Variants in NUP188 observed in about 807,000 individuals in gnomAD.
The protein encoded by NUP188 is nucleoporin 188.
In NUP188, 97 loss-of-function variants were observed where a neutral mutation model predicts 223.0. The observed-to-expected ratio is 0.43, with a 90% CI of 0.37 to 0.51. NUP188 has a LOEUF of 0.51. Ranked by LOEUF, NUP188 falls within the 20% of genes least tolerant of loss-of-function variation. NUP188 has a pLI of 0.00. For missense variants in NUP188, 1,947 were observed against 2,175.6 expected (o/e 0.89, Z 2.09); for synonymous variants, 869 against 828.0 (o/e 1.05, Z -0.85).
intron 13 of NUP188, 150 bp from the exon 14 acceptor site, chr9:128,980,454 GGA>G: frequency 1.4e-6 from 1 of 736,382 alleles, no homozygotes; most frequent in Non-Finnish European, 2.1e-6. Context: ...CTTTTTCAGT[GGA>G]AATATGAAAG....
At chr9:128,981,091 T>A (rs184428495) in intron 14 of NUP188, among the ~76,000 whole-genome samples, 173 bp from the exon 15 acceptor site, 1 of 151,984 alleles carries the variant, frequency 6.6e-6, no homozygotes, top group East Asian at 1.9e-4. Flanking sequence ...GGGACTTGAG[T>A]TGAGTGTTAA....
At chr9:129,003,258 TG>T (rs1218076323) in intron 37 of NUP188, 58 bp from the exon 38 acceptor site, 5 of 1,561,498 alleles carry the variant, frequency 3.2e-6, no homozygotes, top group Non-Finnish European at 4.3e-6. Context: ...AGGGTAGGTG[TG>T]GGTATGTCAG....
At chr9:129,003,078 G>A (rs896187202) in intron 37 of NUP188, 103 bp downstream of exon 37, 5 of 1,344,054 alleles carry the variant, frequency 3.7e-6, no homozygotes, top group Admixed American at 4.7e-5. Flanking sequence ...CAGTAGCGGA[G>A]GGTTGTCGAT....
Position 128,982,661 on chromosome 9 carries a change from C to G in NUP188, c.1629C>G (p.Thr543=). The G allele has an allele frequency of 6.2e-7, 1 of 1,614,116 alleles. No homozygotes were observed. ...EYSYSSWTLF[T]CEIEMLLHVV... is the part of the protein sequence containing the mutation. ...CCTATAGCAGCTGGACCCTCTTTAC[C>G]TGCGAGATTGAAATGTTGCTTCATG... Residue 543 remains threonine, a synonymous_variant, in exon 16 of 44, where the codon ACC becomes ACG. Coordinates refer to ENST00000372577, the MANE Select transcript of NUP188 (RefSeq NM_015354.3).
At chr9:129,002,547 G>A (rs868413436) in intron 36 of NUP188, among the ~76,000 whole-genome samples, 1 of 152,244 alleles carries the variant, frequency 6.6e-6, no homozygotes, top group African/African-American at 2.4e-5. Flanking sequence ...GTATGTAGGG[G>A]CCAGAGCAGG....
Position 128,952,862 on chromosome 9 carries a change from G to A in NUP188, c.161+16G>A. On this transcript the variant is annotated intron_variant, in intron 3 of 43. Coordinates refer to ENST00000372577, the MANE Select transcript of NUP188 (RefSeq NM_015354.3). ...AACCTCCCAGGTATGGCAGTTCCGG[G>A]TGTCTGGTTAAAGTAATTGTCCTAA... 1 of 1,604,728 alleles carries A rather than the reference G, an allele frequency of 6.2e-7. No individual in the cohort carries two copies. Among genetic ancestry groups the A allele is most frequent in the Non-Finnish European group, 8.5e-7 (1 of 1,171,550 alleles).
chr9:128,998,306 C>T, intron 31 of NUP188, 78 bp downstream of exon 31: 1 of 1,314,100 alleles, frequency 7.6e-7, no homozygotes, highest in Non-Finnish European at 1.1e-6. Flanking sequence ...CATGAGTCTG[C>T]CAGCCAGCCG....
At chr9:129,003,516 G>GA in intron 38 of NUP188, 62 bp downstream of exon 38, 2 of 1,562,624 alleles carry the variant, frequency 1.3e-6, no homozygotes, top group Non-Finnish European at 1.7e-6. Context: ...GAGGCTGTGA[G>GA]GTCTCACTGG....
chr9:128,960,860 G>A (rs966053046), intron 8 of NUP188, among the ~76,000 whole-genome samples: 3 of 152,146 alleles, frequency 2.0e-5, no homozygotes, highest in East Asian at 1.9e-4. Flanking sequence ...CAAGGTGGGC[G>A]GATCGCTTGA....
At chr9:129,005,874 C>T in intron 41 of NUP188, 98 bp downstream of exon 41, 1 of 1,465,232 alleles carries the variant, frequency 6.8e-7, no homozygotes, top group Non-Finnish European at 9.3e-7. Flanking sequence ...TGGTACCTAG[C>T]CTCCCAAGCC....
Position 128,990,065 on chromosome 9 carries a change from T to C in NUP188, c.2534-55T>C, listed in dbSNP as rs992608439. On this transcript the variant is annotated intron_variant, in intron 24 of 43. Transcript: ENST00000372577. ...GGTCTTTTTTGAACAGTCAGTGCTCTAAGGACTTGAATTAGGCACACTTGA... is the reference window on the plus strand; with the variant it reads ...GGTCTTTTTTGAACAGTCAGTGCTCCAAGGACTTGAATTAGGCACACTTGA... 130 of 1,342,630 alleles carry C rather than the reference T, an allele frequency of 9.7e-5. No homozygotes were observed. The African/African-American group carries it at 1.6e-3, about 17-fold the overall frequency. The allele number at this position is 1,342,630 out of a possible 1,614,324, so 83.2% of individuals were successfully genotyped here.
At chr9:128,956,199 GTGTGTGTGTGTGCGTGTGTGTGTT>G (rs1412498393) in intron 3 of NUP188, 127 bp from the exon 4 acceptor site, 8 of 459,230 alleles carry the variant, frequency 1.7e-5, no homozygotes, top group Non-Finnish European at 3.1e-5. Context: ...GTGTGTGTGT[GTGTGTGTGTGTGCGTGTGTGTGTT>G]TGTGTGTGTG....
rs1841874451 is a variant in NUP188, at chr9:128,956,565, G to A, written c.246+131G>A. 2.0e-5 allele frequency: 11 copies of A among 560,526 alleles called. No homozygotes were observed. In the South Asian group the frequency reaches 2.6e-4, roughly 13 times the overall value. The allele number at this position is 560,526 out of a possible 1,614,324, so 34.7% of individuals were successfully genotyped here. ...AAATTGTTTTATAAATACCCAGGTT[G>A]CAACTCTTCTCCCTAAAAGTTACAA... is the stretch of plus-strand genomic sequence containing the variant. On this transcript the variant is annotated intron_variant, in intron 4 of 43. Coordinates refer to ENST00000372577, the MANE Select transcript of NUP188 (RefSeq NM_015354.3).
chr9:128,991,447 C>T (rs1321941209), intron 25 of NUP188, among the ~76,000 whole-genome samples: 2 of 151,036 alleles, frequency 1.3e-5, no homozygotes, highest in Non-Finnish European at 3.0e-5. Flanking sequence ...GCAGGAGAAT[C>T]GCTTGAAACT....
chr9:128,966,535 G>C (rs913991389), intron 8 of NUP188, among the ~76,000 whole-genome samples: 1 of 151,780 alleles, frequency 6.6e-6, no homozygotes, highest in Non-Finnish European at 1.5e-5. Flanking sequence ...TGCAGGTTTT[G>C]CCATGTTGCC....
At chr9:128,949,919 C>CTTT (rs35705253) in intron 2 of NUP188, among the ~76,000 whole-genome samples, 102 of 81,180 alleles carry the variant, frequency 1.3e-3, no homozygotes, top group Non-Finnish European at 1.3e-3. Context: ...GTGACGGCCA[C>CTTT]TTTTTTTTTT....
chr9:128,967,988 A>AC (rs1170416280), intron 8 of NUP188, among the ~76,000 whole-genome samples: 1 of 152,154 alleles, frequency 6.6e-6, no homozygotes, highest in African/African-American at 2.4e-5. Flanking sequence ...TTGGCTGGGC[A>AC]CAGTGGCTTA....
intron 8 of NUP188, among the ~76,000 whole-genome samples, chr9:128,965,489 A>G (rs1191664336): frequency 6.6e-6 from 1 of 152,034 alleles, no homozygotes; most frequent in South Asian, 2.1e-4. Flanking sequence ...GTCTCACTCT[A>G]TAGCCCAAAC....
At chr9:128,973,973 C>A (rs558108759) in intron 12 of NUP188, among the ~76,000 whole-genome samples, 1 of 152,056 alleles carries the variant, frequency 6.6e-6, no homozygotes, top group Non-Finnish European at 1.5e-5. Context: ...TGCAGTGACG[C>A]GATCTCGGCT....
Sources: allele counts gnomAD v4.1 joint callset (sites outside exome capture counted in the v4.1 genomes callset), GRCh38; gene constraint gnomAD v4.1.1; transcripts MANE v1.5; gene names NCBI Gene and HGNC (gene_info 2026-07-23, HGNC 2026-07-21).